The following ABR variants were observed in gnomAD, a reference collection of about 807,000 sequenced individuals.
ABR encodes ABR activator of RhoGEF and GTPase.
ABR carries 35 observed loss-of-function variants against 107.2 expected under a neutral mutation model. That is an observed-to-expected ratio of 0.33 (90% confidence interval 0.25 to 0.43). ABR has a LOEUF of 0.43. ABR is among the 20% of genes least tolerant of loss of function. The pLI, the probability that ABR is intolerant of heterozygous loss-of-function variation, is 1.00. For missense variants in ABR, 815 were observed against 1,115.2 expected, an observed-to-expected ratio of 0.73 and a Z score of 3.83; for synonymous variants, 498 against 462.0, an observed-to-expected ratio of 1.08 and a Z score of -1.00.
rs751461853 is a variant in ABR at position 1,050,217 on chromosome 17, G to A, written c.1660-36C>T. The A allele has an allele frequency of 1.1e-5, 18 of 1,588,654 alleles. No individual in the cohort carries two copies. The East Asian group carries it at 3.1e-4, about 28-fold the overall frequency. On this transcript the variant is annotated intron_variant, in intron 15 of 22. Coordinates refer to ENST00000302538, the MANE Select transcript of ABR (RefSeq NM_021962.5). This position sits in a 1 kb window ranked among gnomAD's most constrained non-coding sequence, Gnocchi z 4.6. ...ATGGGACAAAGGGCCCTGAACCTCCGAAGCTGGGAGGCCTGGCTTTCCGGC... is the reference window on the plus strand; with the variant it reads ...ATGGGACAAAGGGCCCTGAACCTCCAAAGCTGGGAGGCCTGGCTTTCCGGC...
intron 1 of ABR, among the ~76,000 whole-genome samples, chr17:1,170,356 A>C (rs2041662039): frequency 6.6e-6 from 1 of 152,172 alleles, no homozygotes; most frequent in Non-Finnish European, 1.5e-5. Context: ...GAAAGAACAC[A>C]GTTTACAGCA....
Position 1,005,932 on chromosome 17 carries a change from C to T in ABR, c.*148G>A, listed in dbSNP as rs1042421160. 1.3e-5 allele frequency: 10 copies of T among 745,582 alleles called. No homozygotes were observed. Among genetic ancestry groups the T allele is most frequent in the African/African-American group, 1.0e-4 (6 of 57,470 alleles). 46.2% of individuals were successfully genotyped at this position (745,582 alleles called of 1,614,324 possible). A position where few individuals can be genotyped will look rare whatever the true frequency, so the allele number is the denominator to read the frequency against. On this transcript the variant is annotated 3_prime_UTR_variant, in exon 23 of 23. Transcript: ENST00000302538. ...GCTTTGTACAAGGTGGCACAAAAGA[C>T]GTACGCATTCCAGTTCTTGGAAGCT...
intron 2 of ABR, among the ~76,000 whole-genome samples, chr17:1,121,225 C>T (rs890198760): frequency 5.3e-5 from 8 of 152,244 alleles, no homozygotes; most frequent in Non-Finnish European, 1.0e-4. Flanking sequence ...TGTGGAAGGG[C>T]GTGCTGGGGA....
intron 18 of ABR, 100 bp from the exon 19 acceptor site, chr17:1,012,085 T>A (rs1457045626): frequency 6.3e-7 from 1 of 1,578,860 alleles, no homozygotes; most frequent in African/African-American, 1.3e-5. Flanking sequence ...GCTTCTAGCA[T>A]TTGGGATGGA....
chr17:1,182,725 G>A (rs1360141898), upstream of ABR, among the ~76,000 whole-genome samples: 2 of 152,140 alleles, frequency 1.3e-5, no homozygotes, highest in South Asian at 2.1e-4. Flanking sequence ...GGTGATCACC[G>A]GGTGCTGAAG....
chr17:1,080,945 G>A (rs542599230), intron 5 of ABR, among the ~76,000 whole-genome samples: 5 of 152,164 alleles, frequency 3.3e-5, no homozygotes, highest in South Asian at 2.1e-4. Flanking sequence ...AAGCAAGCAC[G>A]TCATCGAGTG....
At chr17:1,020,392 C>A (rs2071530871) in intron 16 of ABR, among the ~76,000 whole-genome samples, 1 of 152,214 alleles carries the variant, frequency 6.6e-6, no homozygotes, top group African/African-American at 2.4e-5. Flanking sequence ...CGACTGTTTT[C>A]TCTTTGTCTG....
intron 1 of ABR, among the ~76,000 whole-genome samples, chr17:1,195,803 CA>C (rs35449308): frequency 4.2e-5 from 6 of 142,790 alleles, no homozygotes; most frequent in Admixed American, 6.9e-5. Flanking sequence ...GACTCTGTCT[CA>C]AAAAAAAAAA....
rs1354229081 is a variant in ABR at position 1,148,835 on chromosome 17, G to A, written c.62-23468C>T. Among the ~76,000 whole-genome samples, 2 of 152,202 alleles carry A rather than the reference G, an allele frequency of 1.3e-5. No homozygotes were observed. Among genetic ancestry groups the A allele is most frequent in the Admixed American group, 6.5e-5 (1 of 15,286 alleles). ...GAGTGTGAACGTGCCTCGGGCCACT[G>A]ATGCGTACACTGGATGGAAAATTTT... is the stretch of plus-strand genomic sequence containing the variant. On this transcript the variant is annotated intron_variant, in intron 1 of 22. Coordinates refer to ENST00000302538, the MANE Select transcript of ABR (RefSeq NM_021962.5). The surrounding 1 kb of genome is among the most constrained non-coding windows in gnomAD (Gnocchi z 4.9).
At chr17:1,028,099 C>T (rs907556271) in intron 16 of ABR, among the ~76,000 whole-genome samples, 3 of 151,820 alleles carry the variant, frequency 2.0e-5, no homozygotes, top group African/African-American at 7.3e-5. Flanking sequence ...CCCTTTCCTC[C>T]CCCCACCCCA....
chr17:1,031,878 C>CCCTCCCTCCCTCCGTCCGCGTCCCT, intron 16 of ABR: 1 of 1,039,506 alleles, frequency 9.6e-7, no homozygotes, highest in Non-Finnish European at 1.2e-6. Flanking sequence ...CCCCGCGCTC[C>CCCTCCCTCCCTCCGTCCGCGTCCCT]CCTCCCTCCC....
intron 14 of ABR, 120 bp downstream of exon 14, chr17:1,055,915 G>C: frequency 3.3e-6 from 3 of 921,978 alleles, no homozygotes. Context: ...AGAGGAGCTG[G>C]TTTCTGGCCT....
chr17:1,183,699 T>G (rs2042205330), upstream of ABR, among the ~76,000 whole-genome samples: 1 of 151,696 alleles, frequency 6.6e-6, no homozygotes, highest in Non-Finnish European at 1.5e-5. Context: ...GCCCCAGGAG[T>G]CTCTGCTTCC....
chr17:1,201,352 G>C (rs927863521), intron 1 of ABR, among the ~76,000 whole-genome samples: 1 of 152,124 alleles, frequency 6.6e-6, no homozygotes, highest in Non-Finnish European at 1.5e-5. Flanking sequence ...CTTTAACTGA[G>C]ATTGTTAACA....
chr17:1,060,318 G>A (rs891909087), intron 10 of ABR, among the ~76,000 whole-genome samples: 3 of 152,036 alleles, frequency 2.0e-5, no homozygotes, highest in Non-Finnish European at 4.4e-5. Context: ...GCTGAGGCAC[G>A]AGAATCGCTT....
intron 16 of ABR, among the ~76,000 whole-genome samples, chr17:1,036,156 A>G (rs2073165453): frequency 6.6e-6 from 1 of 152,098 alleles, no homozygotes; most frequent in Non-Finnish European, 1.5e-5. Flanking sequence ...CCCAGCCCAC[A>G]CTTGAACCCC....
At chr17:1,102,667 A>G (rs1390970969) in intron 2 of ABR, among the ~76,000 whole-genome samples, 1 of 152,250 alleles carries the variant, frequency 6.6e-6, no homozygotes, top group East Asian at 1.9e-4. Flanking sequence ...TTCCAGAAGC[A>G]ATGCAGCCCT....
chr17:1,166,070 G>A (rs928442726), intron 1 of ABR, among the ~76,000 whole-genome samples: 1 of 149,394 alleles, frequency 6.7e-6, no homozygotes, highest in South Asian at 2.1e-4. Context: ...CGCCCCCGGA[G>A]TGTCCGCACC....
At chr17:1,012,878 C>T in intron 17 of ABR, 81 bp from the exon 18 acceptor site, 2 of 1,242,850 alleles carry the variant, frequency 1.6e-6, no homozygotes, top group Non-Finnish European at 1.2e-6. Context: ...GGGTCCCCTC[C>T]CCAAGACTGC....
Sources: allele counts gnomAD v4.1 joint callset (sites outside exome capture counted in the v4.1 genomes callset), GRCh38; gene constraint gnomAD v4.1.1; non-coding constraint Gnocchi (gnomAD v3.1); transcripts MANE v1.5; gene names NCBI Gene and HGNC (gene_info 2026-07-23, HGNC 2026-07-21).